The following ITGA9 variants were observed in gnomAD, a reference collection of about 807,000 sequenced individuals.
ITGA9 encodes integrin subunit alpha 9.
ITGA9 carries 56 observed loss-of-function variants against 127.8 expected under a neutral mutation model. That is an observed-to-expected ratio of 0.44 (90% CI 0.35 to 0.55). The LOEUF (loss-of-function observed/expected upper bound fraction) is 0.55, where lower values mean the gene tolerates loss of function less well. Ranked by LOEUF, ITGA9 falls within the 20% of genes least tolerant of loss-of-function variation. The pLI is 0.00. For synonymous variants in ITGA9, 508 were observed against 514.5 expected, an observed-to-expected ratio of 0.99 and a Z score of 0.17; for missense variants, 1,196 against 1,347.1, an observed-to-expected ratio of 0.89 and a Z score of 1.76.
intron 4 of ITGA9, among the ~76,000 whole-genome samples, chr3:37,484,375 G>A (rs888197583): frequency 1.3e-5 from 2 of 152,158 alleles, no homozygotes; most frequent in Non-Finnish European, 2.9e-5. Context: ...CGTAGTGAGA[G>A]GGCTCTTGTC....
chr3:37,469,191 C>T (rs60541395), intron 1 of ITGA9, among the ~76,000 whole-genome samples: 12,966 of 152,216 alleles, frequency 0.085, 589 homozygotes, highest in Middle Eastern at 0.099. Context: ...TTCCTGTAGC[C>T]GGGGGATGCT....
At chr3:37,553,692 C>T (rs1699400541) in intron 15 of ITGA9, among the ~76,000 whole-genome samples, 1 of 152,232 alleles carries the variant, frequency 6.6e-6, no homozygotes, top group African/African-American at 2.4e-5. Context: ...CACCACCTCT[C>T]TCCTCTGCTC....
At chr3:37,749,939 C>T (rs1696560417) in intron 22 of ITGA9, among the ~76,000 whole-genome samples, 1 of 152,092 alleles carries the variant, frequency 6.6e-6, no homozygotes, top group Non-Finnish European at 1.5e-5. Context: ...AGTGGTGGTT[C>T]CTGGACCAGC....
intron 17 of ITGA9, among the ~76,000 whole-genome samples, chr3:37,663,572 G>A (rs1700557784): frequency 6.6e-6 from 1 of 152,170 alleles, no homozygotes. Flanking sequence ...TTCCAGAGGA[G>A]GATCCCCAAA....
chr3:37,786,629 C>A (rs531241882), intron 26 of ITGA9, among the ~76,000 whole-genome samples: 4 of 151,420 alleles, frequency 2.6e-5, no homozygotes, highest in Admixed American at 6.6e-5. Flanking sequence ...AAAAAAAAAA[C>A]CAATAGTAAT....
At position 37,801,898 on chromosome 3, in the gene ITGA9, C is replaced by T. The variant is rs116668929; in HGVS notation, c.2890-1925C>T. ...TCATCCCCTGGCACACGCACACACTCTCCTACCCCAGCTGCGGGAATGGAG... is the reference window on the plus strand; with the variant it reads ...TCATCCCCTGGCACACGCACACACTTTCCTACCCCAGCTGCGGGAATGGAG... On this transcript the variant is annotated intron_variant, in intron 26 of 27. Coordinates refer to ENST00000264741, the MANE Select transcript of ITGA9 (RefSeq NM_002207.3). Among the ~76,000 whole-genome samples the T allele has an allele frequency of 2.6e-3, 390 of 152,294 alleles. 1 individual carries two copies. The highest frequency in any genetic ancestry group is 9.2e-3 in the African/African-American group (383 of 41,536).
chr3:37,555,202 C>A (rs567850174), intron 15 of ITGA9, among the ~76,000 whole-genome samples: 123 of 152,178 alleles, frequency 8.1e-4, no homozygotes, highest in Non-Finnish European at 1.5e-3. Flanking sequence ...TAAAGAGCCT[C>A]CAGTGACTTC....
chr3:37,623,324 C>T (rs9857238), intron 15 of ITGA9, among the ~76,000 whole-genome samples: 26,496 of 152,170 alleles, frequency 0.17, 2,679 homozygotes, highest in Admixed American at 0.3. Flanking sequence ...GTCCTCATTG[C>T]GTTATTAGCC....
chr3:37,753,999 G>A (rs1696621048), intron 23 of ITGA9: 2 of 152,190 alleles, frequency 1.3e-5, no homozygotes, highest in South Asian at 2.1e-4. Flanking sequence ...TTGCTCCTTA[G>A]AGATTTCTTT....
At chr3:37,487,681 A>C (rs552526063) in intron 4 of ITGA9, among the ~76,000 whole-genome samples, 1 of 152,170 alleles carries the variant, frequency 6.6e-6, no homozygotes, top group Non-Finnish European at 1.5e-5. Flanking sequence ...ACTGAGGCCC[A>C]GGGAGCTTGA....
intron 15 of ITGA9, among the ~76,000 whole-genome samples, chr3:37,607,145 G>T (rs1465455757): frequency 6.6e-6 from 1 of 151,856 alleles, no homozygotes; most frequent in Non-Finnish European, 1.5e-5. Flanking sequence ...CCCGTACCTG[G>T]CTAATGTGGC....
chr3:37,511,989 TTTTC>T lies in ITGA9; in HGVS notation c.898-1770_898-1767del, dbSNP rs1406974234. Among the ~76,000 whole-genome samples the T allele has an allele frequency of 6.2e-4, 17 of 27,600 alleles. No homozygotes were observed. In the East Asian group the frequency reaches 0.031, roughly 51 times the overall value. 18.1% of individuals were successfully genotyped at this position (27,600 alleles called of 152,430 possible). On this transcript the variant is annotated intron_variant, in intron 8 of 27. Transcript: ENST00000264741. ...CTTTCTTTTCTTTTCTTTTCTTTTCTTTTCTTTTCTTTTCTTTTCTTTTCTTTTC... is the reference window on the plus strand; with the variant it reads ...CTTTCTTTTCTTTTCTTTTCTTTTCTTTTTCTTTTCTTTTCTTTTCTTTTC...
At chr3:37,653,373 A>G (rs1700446884) in intron 16 of ITGA9, among the ~76,000 whole-genome samples, 1 of 152,200 alleles carries the variant, frequency 6.6e-6, no homozygotes, top group Non-Finnish European at 1.5e-5. Flanking sequence ...CATTCATCTA[A>G]GAGCATCTGA....
chr3:37,661,259 G>A (rs1381293303), intron 17 of ITGA9, among the ~76,000 whole-genome samples: 1 of 152,182 alleles, frequency 6.6e-6, no homozygotes, highest in Non-Finnish European at 1.5e-5. Context: ...ATGAGATCTG[G>A]AGACTGGGTG....
Position 37,452,693 on chromosome 3 carries a change from C to A in ITGA9, c.185+134C>A. On this transcript the variant is annotated intron_variant, in intron 1 of 27. Transcript: ENST00000264741. The surrounding 1 kb of genome is among the most constrained non-coding windows in gnomAD (Gnocchi z 7.3). The stretch of plus-strand genomic sequence containing the variant: ...GGGCGATTTAAATGTCTCCGTTGCG[C>A]GCGGCTCGGCCGCCGGGGGACGGCG... The A allele has an allele frequency of 1.3e-6, 1 of 770,042 alleles. No individual in the cohort carries two copies. Among genetic ancestry groups the A allele is most frequent in the Non-Finnish European group, 1.8e-6 (1 of 544,518 alleles). The allele number at this position is 770,042 out of a possible 1,614,324, so 47.7% of individuals were successfully genotyped here. A position where few individuals can be genotyped will look rare whatever the true frequency, so the allele number is the denominator to read the frequency against.
intron 15 of ITGA9, among the ~76,000 whole-genome samples, chr3:37,587,273 A>G (rs532514820): frequency 1.3e-5 from 2 of 152,324 alleles, no homozygotes; most frequent in East Asian, 3.9e-4. Flanking sequence ...CGAAACATGC[A>G]TTCTCCAGAA....
intron 13 of ITGA9, among the ~76,000 whole-genome samples, chr3:37,529,484 CAAG>C (rs1331592193): frequency 6.6e-6 from 1 of 152,150 alleles, no homozygotes; most frequent in African/African-American, 2.4e-5. Context: ...AGAGAAGAAA[CAAG>C]AAGGACAGTG....
At chr3:37,517,444 A>G in intron 9 of ITGA9, 60 bp from the exon 10 acceptor site, 2 of 1,276,658 alleles carry the variant, frequency 1.6e-6, no homozygotes, top group East Asian at 2.5e-5. Flanking sequence ...ATTGATTTTT[A>G]TTGTTTGTTC....
intron 15 of ITGA9, among the ~76,000 whole-genome samples, chr3:37,560,001 T>C (rs922811758): frequency 6.6e-6 from 1 of 152,250 alleles, no homozygotes; most frequent in African/African-American, 2.4e-5. Context: ...GTGCACAACG[T>C]GCAGGTTTGT....
Sources: allele counts gnomAD v4.1 joint callset (sites outside exome capture counted in the v4.1 genomes callset), GRCh38; gene constraint gnomAD v4.1.1; non-coding constraint Gnocchi (gnomAD v3.1); transcripts MANE v1.5; gene names NCBI Gene and HGNC (gene_info 2026-07-23, HGNC 2026-07-21).